Variants in ARL15 observed in about 807,000 individuals in gnomAD.
ARL15 encodes the protein ADP-ribosylation factor-like protein 15.
In ARL15, 19 loss-of-function variants were observed where a neutral mutation model predicts 25.2. That is an observed-to-expected ratio of 0.75 (90% CI 0.53 to 1.10). ARL15 has a LOEUF of 1.10. Ranked by LOEUF, ARL15 falls within the 50% of genes least tolerant of loss-of-function variation. ARL15 has a pLI of 0.00. For missense variants in ARL15, 220 were observed against 246.0 expected (o/e 0.89, Z 0.71); for synonymous variants, 94 against 86.8 (o/e 1.08, Z -0.46).
intron 4 of ARL15, among the ~76,000 whole-genome samples, chr5:53,924,290 A>G (rs1015384705): frequency 1.3e-5 from 2 of 152,256 alleles, no homozygotes; most frequent in African/African-American, 4.8e-5. Context: ...AAAAAATTTT[A>G]GCAGATTGTC....
chr5:54,236,558 A>T (rs1756815807), intron 1 of ARL15, among the ~76,000 whole-genome samples: 1 of 152,144 alleles, frequency 6.6e-6, no homozygotes, highest in Non-Finnish European at 1.5e-5. Context: ...CTGTCATTCT[A>T]ATCTGAACAC....
chr5:53,910,013 A>T (rs1439854042), intron 4 of ARL15, among the ~76,000 whole-genome samples: 3 of 152,220 alleles, frequency 2.0e-5, no homozygotes, highest in African/African-American at 7.2e-5. Flanking sequence ...GGGGATTTAA[A>T]TTTTAAGTCA....
chr5:53,921,982 A>G (rs776712069), intron 4 of ARL15, among the ~76,000 whole-genome samples: 2 of 152,234 alleles, frequency 1.3e-5, no homozygotes, highest in Non-Finnish European at 2.9e-5. Context: ...CTATGCACTG[A>G]AAGTTAATGT....
At chr5:54,294,341 G>A (rs562728281) in intron 1 of ARL15, among the ~76,000 whole-genome samples, 2 of 152,334 alleles carry the variant, frequency 1.3e-5, no homozygotes, top group South Asian at 4.1e-4. Flanking sequence ...GTGGAGTTCA[G>A]TAGTTGAAAG....
intron 1 of ARL15, among the ~76,000 whole-genome samples, chr5:54,295,782 A>T (rs1339183699): frequency 6.6e-6 from 1 of 152,178 alleles, no homozygotes; most frequent in African/African-American, 2.4e-5. Flanking sequence ...AACATTACCC[A>T]ATAAATCGTC....
chr5:54,280,427 T>C (rs997857105), intron 1 of ARL15, among the ~76,000 whole-genome samples: 10 of 152,154 alleles, frequency 6.6e-5, no homozygotes, highest in Admixed American at 2.0e-4. Flanking sequence ...ATAGAAGAAA[T>C]AAAGAAAATC....
intron 4 of ARL15, among the ~76,000 whole-genome samples, chr5:54,107,952 A>T (rs1752636329): frequency 6.6e-6 from 1 of 152,130 alleles, no homozygotes; most frequent in South Asian, 2.1e-4. Context: ...AGAGGAAAAA[A>T]CAGTGAGATC....
chr5:54,229,383 G>A (rs1419919884), intron 1 of ARL15, among the ~76,000 whole-genome samples: 1 of 152,130 alleles, frequency 6.6e-6, no homozygotes, highest in Non-Finnish European at 1.5e-5. Flanking sequence ...GTGGGGTGAA[G>A]GACACACTGT....
chr5:53,921,304 C>A (rs1745854336), intron 4 of ARL15, among the ~76,000 whole-genome samples: 1 of 152,128 alleles, frequency 6.6e-6, no homozygotes, highest in African/African-American at 2.4e-5. Flanking sequence ...ACTTTAGGAC[C>A]CATGTTCTTA....
At chr5:54,229,248 TATA>T (rs1480983414) in intron 1 of ARL15, among the ~76,000 whole-genome samples, 1 of 152,208 alleles carries the variant, frequency 6.6e-6, no homozygotes, top group African/African-American at 2.4e-5. Context: ...GACATCAAGT[TATA>T]ATAAGATCTC....
At chr5:54,174,559 A>G (rs1489044728) in intron 1 of ARL15, among the ~76,000 whole-genome samples, 2 of 152,002 alleles carry the variant, frequency 1.3e-5, no homozygotes, top group Non-Finnish European at 2.9e-5. Context: ...GAGGAGTCCT[A>G]CTTATTTCAG....
intron 4 of ARL15, among the ~76,000 whole-genome samples, chr5:53,940,159 G>A (rs1184509692): frequency 6.6e-6 from 1 of 152,002 alleles, no homozygotes; most frequent in Non-Finnish European, 1.5e-5. Context: ...ATTTTTAGTA[G>A]AGACGGGGTT....
intron 4 of ARL15, among the ~76,000 whole-genome samples, chr5:53,956,349 G>T (rs1464787764): frequency 1.3e-5 from 2 of 151,252 alleles, no homozygotes; most frequent in Non-Finnish European, 3.0e-5. Context: ...GATTTCCAGG[G>T]TTACCATATT....
At chr5:53,980,381 G>T (rs2111588619) in intron 4 of ARL15, among the ~76,000 whole-genome samples, 1 of 152,310 alleles carries the variant, frequency 6.6e-6, no homozygotes, top group Middle Eastern at 3.4e-3. Flanking sequence ...TGAGGAAAGA[G>T]TTCACACACA....
intron 3 of ARL15, among the ~76,000 whole-genome samples, chr5:54,123,328 T>A (rs1320475822): frequency 6.6e-6 from 1 of 151,922 alleles, no homozygotes; most frequent in Non-Finnish European, 1.5e-5. Context: ...CCAGGATGGT[T>A]TCGATCTCCT....
intron 4 of ARL15, among the ~76,000 whole-genome samples, chr5:54,065,406 C>T (rs1033493427): frequency 4.3e-4 from 65 of 152,344 alleles, no homozygotes; most frequent in African/African-American, 1.5e-3. Context: ...TGGCTAATGC[C>T]TGTAATCCCA....
intron 3 of ARL15, among the ~76,000 whole-genome samples, chr5:54,126,004 T>C (rs1296563361): frequency 1.3e-5 from 2 of 152,174 alleles, no homozygotes; most frequent in African/African-American, 4.8e-5. Context: ...GGGTGCCATG[T>C]GTTGCGCTGT....
At chr5:54,112,044 G>A (rs1307532254) in intron 4 of ARL15, among the ~76,000 whole-genome samples, 1 of 152,070 alleles carries the variant, frequency 6.6e-6, no homozygotes, top group East Asian at 1.9e-4. Flanking sequence ...TTTAAAAGGT[G>A]CTACGTACTT....
At chr5:54,162,018 CACACACAG>C (rs1184920994) in intron 2 of ARL15, among the ~76,000 whole-genome samples, 6 of 142,566 alleles carry the variant, frequency 4.2e-5, no homozygotes, top group African/African-American at 1.5e-4. Context: ...CACACACACA[CACACACAG>C]AGAGAGATAC....
Sources: gnomAD v4.1 joint callset for allele counts (sites outside exome capture counted in the v4.1 genomes callset) on GRCh38, gnomAD v4.1.1 for gene constraint, MANE v1.5 for transcripts, NCBI Gene and HGNC (gene_info 2026-07-23, HGNC 2026-07-21) for gene names.